The following COL24A1 variants were observed in gnomAD, a reference collection of about 807,000 sequenced individuals.
COL24A1 encodes the protein collagen type XXIV alpha 1 chain.
Under a neutral mutation model 253.9 loss-of-function variants are expected in COL24A1, and 224 were observed. The ratio of observed to expected loss-of-function variants is 0.88; its 90% CI spans 0.79 to 0.99. The LOEUF (loss-of-function observed/expected upper bound fraction) is 0.99, where lower values mean the gene tolerates loss of function less well. Among genes scored for constraint, COL24A1 ranks in the 50% least tolerant of loss-of-function variants. The pLI is 0.00. For synonymous variants in COL24A1, 685 were observed against 673.7 expected, an observed-to-expected ratio of 1.02 and a Z score of -0.26; for missense variants, 2,131 against 2,068.5, an observed-to-expected ratio of 1.03 and a Z score of -0.59.
chr1:85,816,012 G>A (rs954647847), intron 47 of COL24A1, among the ~76,000 whole-genome samples: 3 of 152,028 alleles, frequency 2.0e-5, no homozygotes, highest in East Asian at 1.9e-4. Flanking sequence ...TAACTATCAC[G>A]GTGGTTGCTC....
intron 28 of COL24A1, among the ~76,000 whole-genome samples, chr1:85,901,159 T>C (rs1198073675): frequency 1.3e-5 from 2 of 152,158 alleles, no homozygotes; most frequent in African/African-American, 4.8e-5. Context: ...ACTATTCATC[T>C]GACAAGGAAC....
At chr1:86,138,734 A>C (rs1438712253) in intron 2 of COL24A1, among the ~76,000 whole-genome samples, 1 of 152,126 alleles carries the variant, frequency 6.6e-6, no homozygotes, top group Non-Finnish European at 1.5e-5. Context: ...AAACAGATTA[A>C]GACATACCCC....
At chr1:85,987,776 T>G (rs755955233) in intron 19 of COL24A1, 122 bp from the exon 20 acceptor site, 4 of 753,098 alleles carry the variant, frequency 5.3e-6, no homozygotes, top group Non-Finnish European at 8.5e-6. Flanking sequence ...CCTCAAAAAT[T>G]CAATATTGAA....
chr1:85,746,437 T>A (rs865911410), intron 55 of COL24A1, among the ~76,000 whole-genome samples: 1 of 152,138 alleles, frequency 6.6e-6, no homozygotes, highest in Non-Finnish European at 1.5e-5. Context: ...TGATATATAT[T>A]GAGGATAAAA....
chr1:85,763,925 C>T (rs1043086529), intron 53 of COL24A1, among the ~76,000 whole-genome samples: 4 of 152,170 alleles, frequency 2.6e-5, no homozygotes, highest in African/African-American at 7.2e-5. Context: ...ACATACGATC[C>T]TCCAAAAGTA....
At chr1:86,077,139 T>A (rs987126251) in intron 7 of COL24A1, among the ~76,000 whole-genome samples, 2 of 152,016 alleles carry the variant, frequency 1.3e-5, no homozygotes, top group Admixed American at 1.3e-4. Flanking sequence ...CTTAAACAAA[T>A]TCACAAGAAG....
chr1:85,920,869 C>T (rs1038121602), intron 24 of COL24A1, among the ~76,000 whole-genome samples: 1 of 151,484 alleles, frequency 6.6e-6, no homozygotes, highest in African/African-American at 2.4e-5. Context: ...AGTACATACG[C>T]TGATGATAAA....
At chr1:85,975,361 A>G (rs532186) in intron 20 of COL24A1, among the ~76,000 whole-genome samples, 17,390 of 152,206 alleles carry the variant, frequency 0.11, 1,028 homozygotes, top group East Asian at 0.17. Flanking sequence ...CAGAATCAAC[A>G]TAAGTATCCA....
At chr1:85,935,673 A>G (rs1688190725) in intron 24 of COL24A1, among the ~76,000 whole-genome samples, 1 of 147,284 alleles carries the variant, frequency 6.8e-6, no homozygotes, top group African/African-American at 2.5e-5. Context: ...GGCAGTAGGC[A>G]TAAGGGATAC....
At position 85,787,717 on chromosome 1, in the gene COL24A1, G is replaced by A. The variant is rs149187464; in HGVS notation, c.3952-1256C>T. ...TGATAGAATGATATATATTGCTTTG[G>A]GTATATACCCAGTAATGGGATTACT... On this transcript the variant is annotated intron_variant, in intron 47 of 59. Transcript: ENST00000370571. 2.7e-3 allele frequency among the ~76,000 whole-genome samples: 404 copies of A among 152,106 alleles called. 3 individuals are homozygous for A. The highest frequency in any genetic ancestry group is 9.4e-3 in the African/African-American group (388 of 41,486).
At chr1:85,733,757 T>A (rs932482043) in intron 59 of COL24A1, among the ~76,000 whole-genome samples, 11 of 151,872 alleles carry the variant, frequency 7.2e-5, no homozygotes, top group African/African-American at 2.7e-4. Flanking sequence ...TTTTTGTATT[T>A]TTAGTAGAGA....
At chr1:85,736,387 C>T (rs1345478674) in intron 58 of COL24A1, 1 of 456,140 alleles carries the variant, frequency 2.2e-6, no homozygotes, top group Non-Finnish European at 4.4e-6. Flanking sequence ...TTCACACAGC[C>T]CCATCTTCTT....
At chr1:85,974,627 A>AGAC (rs1692483855) in intron 20 of COL24A1, among the ~76,000 whole-genome samples, 1 of 152,208 alleles carries the variant, frequency 6.6e-6, no homozygotes, top group South Asian at 2.1e-4. Flanking sequence ...GGGAGGAGGT[A>AGAC]GACACAATTA....
intron 24 of COL24A1, among the ~76,000 whole-genome samples, chr1:85,947,766 T>G (rs1210709151): frequency 6.6e-6 from 1 of 152,202 alleles, no homozygotes; most frequent in Non-Finnish European, 1.5e-5. Context: ...ATTTGTAATT[T>G]TTTTCTCATA....
chr1:85,793,579 C>T (rs1355596824), intron 47 of COL24A1, among the ~76,000 whole-genome samples: 2 of 152,068 alleles, frequency 1.3e-5, no homozygotes, highest in African/African-American at 2.4e-5. Flanking sequence ...TGTGCCTCAT[C>T]CTAAGTGTAT....
At chr1:85,980,007 A>C (rs1693087590) in intron 20 of COL24A1, among the ~76,000 whole-genome samples, 4 of 152,184 alleles carry the variant, frequency 2.6e-5, no homozygotes, top group Admixed American at 2.6e-4. Flanking sequence ...TGGGTTTCAT[A>C]CCAGAAATGC....
chr1:86,011,879 A>G (rs1696517633), intron 19 of COL24A1, among the ~76,000 whole-genome samples: 1 of 152,242 alleles, frequency 6.6e-6, no homozygotes, highest in African/African-American at 2.4e-5. Flanking sequence ...CATAAAGAAC[A>G]GAAAAATAAG....
At chr1:85,828,154 T>C (rs1054269711) in intron 43 of COL24A1, among the ~76,000 whole-genome samples, 2 of 152,202 alleles carry the variant, frequency 1.3e-5, no homozygotes, top group African/African-American at 4.8e-5. Context: ...AGAACATCTT[T>C]ATTTCTGCCT....
At chr1:86,074,752 A>G (rs548640409) in intron 7 of COL24A1, among the ~76,000 whole-genome samples, 1 of 151,994 alleles carries the variant, frequency 6.6e-6, no homozygotes, top group Non-Finnish European at 1.5e-5. Flanking sequence ...ATCATAACAA[A>G]CAGTCTCTCA....
Sources: gnomAD v4.1 joint callset for allele counts (sites outside exome capture counted in the v4.1 genomes callset) on GRCh38, gnomAD v4.1.1 for gene constraint, MANE v1.5 for transcripts, NCBI Gene and HGNC (gene_info 2026-07-23, HGNC 2026-07-21) for gene names.